The following IPCEF1 variants were observed in gnomAD, a reference collection of about 807,000 sequenced individuals.
IPCEF1 encodes the protein interaction protein for cytohesin exchange factors 1, also known as interactor protein for cytohesin exchange factors 1.
Under a neutral mutation model 50.9 loss-of-function variants are expected in IPCEF1, and 31 were observed. The ratio of observed to expected loss-of-function variants is 0.61; its 90% CI spans 0.46 to 0.82. The LOEUF (loss-of-function observed/expected upper bound fraction) is 0.82. Among genes scored for constraint, IPCEF1 ranks in the 40% least tolerant of loss-of-function variants. The pLI is 0.00. For missense variants in IPCEF1, 458 were observed against 514.0 expected, an observed-to-expected ratio of 0.89 and a Z score of 1.05; for synonymous variants, 181 against 192.0, an observed-to-expected ratio of 0.94 and a Z score of 0.47.
rs553825336 is a variant in IPCEF1, at chr6:154,298,996, G to A, written c.-61-9240C>T. 1.4e-5 allele frequency among the ~76,000 whole-genome samples: 2 copies of A among 139,660 alleles called. 1 individual carries two copies. Among genetic ancestry groups the A allele is most frequent in the African/African-American group, 5.1e-5 (2 of 39,274 alleles). The allele number at this position is 139,660 out of a possible 152,430, so 91.6% of individuals were successfully genotyped here. ...AAAAAAGATTACCAATATTAGCATT[G>A]TGCACATGCATACACACATAATCTA... On this transcript the variant is annotated intron_variant, in intron 1 of 11. Coordinates refer to ENST00000367220, the MANE Select transcript of IPCEF1 (RefSeq NM_001130700.2).
intron 3 of IPCEF1, among the ~76,000 whole-genome samples, chr6:154,256,319 C>T (rs1249372052): frequency 6.6e-6 from 1 of 152,102 alleles, no homozygotes; most frequent in Non-Finnish European, 1.5e-5. Flanking sequence ...CCCTCATGAC[C>T]TAATTAACTC....
At chr6:154,349,428 C>T (rs1435834472) in intron 1 of IPCEF1, among the ~76,000 whole-genome samples, 5 of 151,250 alleles carry the variant, frequency 3.3e-5, no homozygotes, top group African/African-American at 7.3e-5. Flanking sequence ...TCTTGCTATA[C>T]GTTGCTTGGG....
chr6:154,236,548 C>T (rs1213003903), intron 5 of IPCEF1, among the ~76,000 whole-genome samples: 1 of 152,128 alleles, frequency 6.6e-6, no homozygotes, highest in East Asian at 1.9e-4. Flanking sequence ...AGATGGTAAA[C>T]TTCATTAAAA....
chr6:154,341,181 T>G (rs1477848318), intron 1 of IPCEF1, among the ~76,000 whole-genome samples: 3 of 152,146 alleles, frequency 2.0e-5, no homozygotes, highest in African/African-American at 7.2e-5. Context: ...GGAATAACTT[T>G]GAATAGACTG....
At chr6:154,240,493 A>T (rs1780489475) in intron 5 of IPCEF1, among the ~76,000 whole-genome samples, 1 of 151,440 alleles carries the variant, frequency 6.6e-6, no homozygotes, top group African/African-American at 2.4e-5. Context: ...CCCAGGGAAA[A>T]TTAATCTGTT....
chr6:154,199,038 A>T (rs1776861669), intron 10 of IPCEF1, among the ~76,000 whole-genome samples: 1 of 152,244 alleles, frequency 6.6e-6, no homozygotes, highest in Non-Finnish European at 1.5e-5. Flanking sequence ...TTATCAGAGT[A>T]TTTTTTAAAC....
At chr6:154,278,809 C>T (rs1782131805) in intron 2 of IPCEF1, among the ~76,000 whole-genome samples, 1 of 151,792 alleles carries the variant, frequency 6.6e-6, no homozygotes, top group South Asian at 2.1e-4. Flanking sequence ...AGAATCTACA[C>T]ATTAATAATT....
At chr6:154,326,459 T>C (rs1783522180) in intron 1 of IPCEF1, among the ~76,000 whole-genome samples, 1 of 151,864 alleles carries the variant, frequency 6.6e-6, no homozygotes, top group Non-Finnish European at 1.5e-5. Flanking sequence ...TGAATTCCCA[T>C]TCACAATTGC....
At chr6:154,162,198 C>T (rs1562517268) in intron 11 of IPCEF1, among the ~76,000 whole-genome samples, 2 of 152,212 alleles carry the variant, frequency 1.3e-5, no homozygotes, top group Admixed American at 1.3e-4. Context: ...AAATTCATCC[C>T]AGCAATTCTG....
intron 5 of IPCEF1, among the ~76,000 whole-genome samples, chr6:154,240,438 AT>A (rs1780486711): frequency 6.6e-6 from 1 of 152,148 alleles, no homozygotes; most frequent in African/African-American, 2.4e-5. Context: ...ATGTATGCTA[AT>A]CTATGCCTAC....
intron 1 of IPCEF1, among the ~76,000 whole-genome samples, chr6:154,306,535 C>T (rs35094049): frequency 6.6e-6 from 1 of 152,180 alleles, no homozygotes; most frequent in African/African-American, 2.4e-5. Context: ...CTGTGCCCAG[C>T]CCATTAATAG....
rs1370272182 is a variant in IPCEF1, at chr6:154,191,967, C to T, written c.910+7701G>A. Among the ~76,000 whole-genome samples the T allele has an allele frequency of 2.6e-5, 4 of 150,984 alleles. No individual in the cohort carries two copies. In the East Asian group the frequency reaches 7.8e-4, roughly 29 times the overall value. The stretch of plus-strand genomic sequence containing the variant: ...CAGCATTTTACATAAGAGCCCACAA[C>T]TGAAAAAAAAAGTGTTCACCAATAG... On this transcript the variant is annotated intron_variant, in intron 10 of 11. Transcript: ENST00000367220.
At chr6:154,255,163 AT>A (rs1781432160) in intron 3 of IPCEF1, among the ~76,000 whole-genome samples, 1 of 152,048 alleles carries the variant, frequency 6.6e-6, no homozygotes, top group South Asian at 2.1e-4. Flanking sequence ...TCTTTCTTTC[AT>A]TTATCATATA....
chr6:154,264,251 C>A (rs888759520), intron 3 of IPCEF1, among the ~76,000 whole-genome samples: 2 of 151,882 alleles, frequency 1.3e-5, no homozygotes, highest in African/African-American at 4.8e-5. Context: ...TTTAAAGAAA[C>A]ACCTTATCAT....
At chr6:154,178,507 C>T (rs1254471469) in intron 10 of IPCEF1, among the ~76,000 whole-genome samples, 3 of 152,090 alleles carry the variant, frequency 2.0e-5, no homozygotes, top group Non-Finnish European at 4.4e-5. Flanking sequence ...CTTCCTCCCC[C>T]TCTTCCATTT....
intron 5 of IPCEF1, among the ~76,000 whole-genome samples, chr6:154,242,860 C>A (rs1780703373): frequency 6.7e-6 from 1 of 149,810 alleles, no homozygotes; most frequent in African/African-American, 2.5e-5. Context: ...TGTACTCCAG[C>A]CTGGGCCATA....
chr6:154,199,460 C>T (rs1438554075), intron 10 of IPCEF1, among the ~76,000 whole-genome samples: 1 of 152,208 alleles, frequency 6.6e-6, no homozygotes, highest in Non-Finnish European at 1.5e-5. Context: ...TGGTTAGTGA[C>T]ACTTATAGCA....
chr6:154,202,742 T>C (rs1020905102), intron 9 of IPCEF1, among the ~76,000 whole-genome samples: 21 of 152,304 alleles, frequency 1.4e-4, no homozygotes, highest in African/African-American at 4.3e-4. Context: ...ATCTGTGAAG[T>C]GTCATCGTGT....
At chr6:154,167,034 A>AG (rs1799495776) in intron 11 of IPCEF1, among the ~76,000 whole-genome samples, 1 of 152,214 alleles carries the variant, frequency 6.6e-6, no homozygotes. Flanking sequence ...GGGACGCCTA[A>AG]GAGCCACTCA....
Sources: gnomAD v4.1 joint callset for allele counts (sites outside exome capture counted in the v4.1 genomes callset) on GRCh38, gnomAD v4.1.1 for gene constraint, MANE v1.5 for transcripts, NCBI Gene and HGNC (gene_info 2026-07-23, HGNC 2026-07-21) for gene names.